MED23: variants seen among roughly 807,000 people sequenced by gnomAD.
The protein encoded by MED23 is mediator of RNA polymerase II transcription subunit 23.
In MED23, 105 loss-of-function variants were observed where a neutral mutation model predicts 163.9. The ratio of observed to expected loss-of-function variants is 0.64; its 90% CI spans 0.55 to 0.75. The LOEUF (loss-of-function observed/expected upper bound fraction) is 0.75, where lower values mean the gene tolerates loss of function less well. MED23 is among the 30% of genes least tolerant of loss of function. MED23 has a pLI of 0.00. For synonymous variants in MED23, 561 were observed against 565.6 expected (o/e 0.99, Z 0.12); for missense variants, 1,054 against 1,649.0 (o/e 0.64, Z 6.25).
At chr6:131,587,993 A>C (rs959000094) in intron 28 of MED23, 147 bp from the exon 29 acceptor site, 2 of 697,764 alleles carry the variant, frequency 2.9e-6, no homozygotes, top group Non-Finnish European at 4.9e-6. Flanking sequence ...TCTGTGTTTT[A>C]AGAAAAGCAG....
intron 10 of MED23, among the ~76,000 whole-genome samples, chr6:131,613,547 G>A (rs886218086): frequency 2.0e-5 from 3 of 152,104 alleles, no homozygotes; most frequent in African/African-American, 7.2e-5. Context: ...TTAATCATAT[G>A]CTTCTTATAC....
chr6:131,582,795 A>G (rs1396111923), downstream of MED23: 6 of 1,208,588 alleles, frequency 5.0e-6, no homozygotes, highest in Non-Finnish European at 6.2e-6. Context: ...CAACTCTATG[A>G]GAGAAAATTA....
At chr6:131,602,959 A>G in intron 16 of MED23, 71 bp downstream of exon 16, 1 of 1,466,830 alleles carries the variant, frequency 6.8e-7, no homozygotes, top group Non-Finnish European at 9.5e-7. Flanking sequence ...GTAAAGGTAA[A>G]GGATTAAGAA....
intron 23 of MED23, 28 bp from the exon 24 acceptor site, chr6:131,593,199 G>C (rs777441120): frequency 1.2e-6 from 2 of 1,613,076 alleles, no homozygotes. Flanking sequence ...AATAACAATT[G>C]GACTATCTCA....
chr6:131,626,332 T>TAAG (rs904930855), intron 3 of MED23, among the ~76,000 whole-genome samples: 2 of 151,596 alleles, frequency 1.3e-5, no homozygotes, highest in African/African-American at 4.8e-5. Context: ...TTAGAAAAAG[T>TAAG]AAGAAGAAAC....
chr6:131,627,031 CCTTT>C (rs1467906725), intron 3 of MED23: 1 of 190,514 alleles, frequency 5.2e-6, no homozygotes, highest in Non-Finnish European at 1.1e-5. Flanking sequence ...TGTGCCAATT[CCTTT>C]ATTTAGCAGA....
At chr6:131,594,058 C>G (rs987608282) in intron 23 of MED23, 41 bp downstream of exon 23, 15 of 1,449,038 alleles carry the variant, frequency 1.0e-5, no homozygotes, top group African/African-American at 1.4e-5. Flanking sequence ...AATCAAAATA[C>G]TGTTATTTCT....
At position 131,623,591 on chromosome 6, in the gene MED23, G is replaced by T. The variant is rs1036814020; in HGVS notation, c.285-129C>A. On this transcript the variant is annotated intron_variant, in intron 4 of 28. Coordinates refer to ENST00000368068, the MANE Select transcript of MED23 (RefSeq NM_004830.4). ...GAATTGTAGTTCCCATAATCCCCACGTGTCATGAGAAAAACCATTTAAATC... is the reference window on the plus strand; with the variant it reads ...GAATTGTAGTTCCCATAATCCCCACTTGTCATGAGAAAAACCATTTAAATC... 4.0e-6 allele frequency: 3 copies of T among 754,444 alleles called. No individual in the cohort carries two copies. The African/African-American group carries it at 5.2e-5, about 13-fold the overall frequency. The allele number at this position is 754,444 out of a possible 1,614,324, so 46.7% of individuals were successfully genotyped here.
intron 6 of MED23, among the ~76,000 whole-genome samples, chr6:131,621,044 C>T (rs1241851379): frequency 2.6e-5 from 4 of 152,046 alleles, no homozygotes; most frequent in Non-Finnish European, 5.9e-5. Context: ...TTAAATGAGC[C>T]TCCCGCCTTG....
intron 10 of MED23, 98 bp from the exon 11 acceptor site, chr6:131,610,344 G>T (rs1324040677): frequency 8.5e-7 from 1 of 1,182,332 alleles, no homozygotes; most frequent in African/African-American, 1.5e-5. Flanking sequence ...AGGCTGAGAA[G>T]CACGGAATGA....
At chr6:131,592,687 T>G in intron 24 of MED23, 1 of 601,112 alleles carries the variant, frequency 1.7e-6, no homozygotes, top group Non-Finnish European at 2.9e-6. Context: ...TACTTCATGC[T>G]AATTTTTAAA....
chr6:131,587,355 C>A lies in MED23; in HGVS notation c.*324G>T. 8.9e-7 allele frequency: 1 copy of A among 1,129,720 alleles called. No homozygotes were observed. The highest frequency in any genetic ancestry group is 1.1e-6 in the Non-Finnish European group (1 of 921,852). The allele number at this position is 1,129,720 out of a possible 1,614,324, so 70.0% of individuals were successfully genotyped here. A position where few individuals can be genotyped will look rare whatever the true frequency, so the allele number is the denominator to read the frequency against. ...TAATAATAAAAAATACAAACAAAAA[C>A]AACGGCTAGAATAGGAAAGACTGAA... On this transcript the variant is annotated 3_prime_UTR_variant, in exon 29 of 29. Transcript: ENST00000368068.
Position 131,587,200 on chromosome 6 carries a change from T to A in MED23, c.*479A>T. On this transcript the variant is annotated 3_prime_UTR_variant, in exon 29 of 29. Transcript: ENST00000368068. ...CTCCTACAATGCAACAAAATCTAGA[T>A]TCCTTTTCTTGATATAAATCTCTAT... 1.8e-6 allele frequency: 2 copies of A among 1,094,078 alleles called. No individual in the cohort carries two copies. Among genetic ancestry groups the A allele is most frequent in the Non-Finnish European group, 2.3e-6 (2 of 882,278 alleles). 67.8% of individuals were successfully genotyped at this position (1,094,078 alleles called of 1,614,324 possible). A position where few individuals can be genotyped will look rare whatever the true frequency, so the allele number is the denominator to read the frequency against.
intron 10 of MED23, 195 bp downstream of exon 10, chr6:131,615,712 T>C (rs538502824): frequency 4.7e-6 from 3 of 641,200 alleles, no homozygotes; most frequent in Non-Finnish European, 8.2e-6. Flanking sequence ...TAAAAATTTT[T>C]CTTTTTAAAT....
In MED23 at chr6:131,586,857, G is replaced by GT; in HGVS notation, c.*821dup. On this transcript the variant is annotated 3_prime_UTR_variant, in exon 29 of 29. Coordinates refer to ENST00000368068, the MANE Select transcript of MED23 (RefSeq NM_004830.4). ...AAATCCAAGAAATAAAATGTGTACTGTATTTACAAATATAAAATTTAAAAA... is the reference window on the plus strand; with the variant it reads ...AAATCCAAGAAATAAAATGTGTACTGTTATTTACAAATATAAAATTTAAAAA... 2 of 1,470,110 alleles carry GT rather than the reference G, an allele frequency of 1.4e-6. No individual in the cohort carries two copies. Among genetic ancestry groups the GT allele is most frequent in the Admixed American group, 4.1e-5 (2 of 48,856 alleles). The allele number at this position is 1,470,110 out of a possible 1,614,324, so 91.1% of individuals were successfully genotyped here.
At position 131,598,569 on chromosome 6, in the gene MED23, G is replaced by A; in HGVS notation, c.2413C>T (p.Gln805Ter). 6.2e-7 allele frequency: 1 copy of A among 1,614,072 alleles called. No homozygotes were observed. The highest frequency in any genetic ancestry group is 8.5e-7 in the Non-Finnish European group (1 of 1,179,998). ...TTTTTGACTTACCTATAGCCAATCT[G>A]ATTAATATGATCTGTTTCCAAGAGC... Reference protein sequence around the residue: ...KMLLETDHINQIGYRVLERIG... With the variant: ...KMLLETDHIN The change falls in exon 19 of 29, where the codon CAG becomes TAG. Residue 805 changes from glutamine (Q) to a stop codon, truncating the protein, a stop_gained. Transcript: ENST00000368068. LOFTEE classifies it high-confidence loss of function. This position sits in a 1 kb window ranked among gnomAD's most constrained non-coding sequence, Gnocchi z 4.7.
At position 131,618,274 on chromosome 6, in the gene MED23, T is replaced by A. The variant is rs1776836164; in HGVS notation, c.780+133A>T. The A allele has an allele frequency of 2.0e-5, 15 of 734,252 alleles. No individual in the cohort carries two copies. In the South Asian group the frequency reaches 2.3e-4, roughly 11 times the overall value. The allele number at this position is 734,252 out of a possible 1,614,324, so 45.5% of individuals were successfully genotyped here. A position where few individuals can be genotyped will look rare whatever the true frequency, so the allele number is the denominator to read the frequency against. On this transcript the variant is annotated intron_variant, in intron 9 of 28. Transcript: ENST00000368068. ...ATATTTAGATACTAGAATAACATGA[T>A]AAACTATAAACTATCTTTCATTAAA...
In MED23 at chr6:131,594,254, A is replaced by G. The variant is rs1554253506; in HGVS notation, c.3077T>C (p.Leu1026Pro). 6.2e-7 allele frequency: 1 copy of G among 1,614,170 alleles called. No homozygotes were observed. Among genetic ancestry groups the G allele is most frequent in the East Asian group, 2.2e-5 (1 of 44,876 alleles). The change falls in exon 23 of 29, where the codon CTC becomes CCC. Residue 1026 changes from leucine (L) to proline (P), a missense_variant. Physicochemically the swap from Leu to Pro is moderately conservative, Grantham distance 98. This residue lies in a region of MED23 where 362 missense variants were observed against 471.6 expected (regional missense o/e 0.77). Transcript: ENST00000368068. ...LRDRAFLKRK[L>P]VHAIIGSLKD... ...CAGAGAGCCAATGATCGCATGGACG[A>G]GTTTTCGTTTGAGAAATGCGCGGTC...
intron 10 of MED23, among the ~76,000 whole-genome samples, chr6:131,613,952 G>A (rs564118037): frequency 6.6e-6 from 1 of 151,936 alleles, no homozygotes; most frequent in Non-Finnish European, 1.5e-5. Context: ...AATGACCATG[G>A]GTACATTTAT....
Sources: allele counts gnomAD v4.1 joint callset (sites outside exome capture counted in the v4.1 genomes callset), GRCh38; gene constraint gnomAD v4.1.1; regional missense constraint gnomAD v4.1.1; non-coding constraint Gnocchi (gnomAD v3.1); transcripts MANE v1.5; gene names NCBI Gene and HGNC (gene_info 2026-07-23, HGNC 2026-07-21).